Variants in PPARG observed in about 807,000 individuals in gnomAD.
PPARG encodes the protein peroxisome proliferator activated receptor gamma, also known as peroxisome proliferator-activated receptor gamma.
In PPARG, 17 loss-of-function variants were observed where a neutral mutation model predicts 39.2. The observed-to-expected ratio is 0.43, with a 90% CI of 0.30 to 0.65. PPARG has a LOEUF of 0.65. PPARG is among the 30% of genes least tolerant of loss of function. The probability of loss-of-function intolerance (pLI) is 0.13; values close to 1 mark genes in which losing one functional copy is unlikely to be tolerated. For missense variants in PPARG, 406 were observed against 585.9 expected (o/e 0.69, Z 3.17); for synonymous variants, 223 against 215.7 (o/e 1.03, Z -0.30).
intron 5 of PPARG, among the ~76,000 whole-genome samples, chr3:12,403,049 T>C (rs2050533319): frequency 6.6e-6 from 1 of 152,062 alleles, no homozygotes; most frequent in Non-Finnish European, 1.5e-5. Flanking sequence ...TCCCATCTCT[T>C]TGGGAGGTGG....
Position 12,406,115 on chromosome 3 carries a change from G to A in PPARG, c.729+34G>A, listed in dbSNP as rs1180957865. 1.2e-6 allele frequency: 2 copies of A among 1,604,446 alleles called. No individual in the cohort carries two copies. The highest frequency in any genetic ancestry group is 1.7e-6 in the Non-Finnish European group (2 of 1,173,668). The stretch of plus-strand genomic sequence containing the variant: ...TCTTCTGCTGTCTTCATTGGGGGAG[G>A]CGGGAAGTTGTTTTGGGTTTTTGTT... On this transcript the variant is annotated intron_variant, in intron 6 of 7. Coordinates refer to ENST00000651735, the MANE Select transcript of PPARG (RefSeq NM_138711.6).
chr3:12,393,761 T>G (rs2050160995), intron 5 of PPARG, among the ~76,000 whole-genome samples: 1 of 152,148 alleles, frequency 6.6e-6, no homozygotes, highest in African/African-American at 2.4e-5. Context: ...CTCTAAAGCA[T>G]CTGAGAAAAT....
chr3:12,376,510 A>G (rs534589476), intron 2 of PPARG, among the ~76,000 whole-genome samples: 1 of 152,266 alleles, frequency 6.6e-6, no homozygotes, highest in East Asian at 1.9e-4. Flanking sequence ...TCAATGAGAG[A>G]ATCAAGAGAG....
rs1378972597 is a variant in PPARG, at chr3:12,416,855, T to C, written c.881T>C (p.Ile294Thr). The C allele has an allele frequency of 6.2e-7, 1 of 1,614,170 alleles. No individual in the cohort carries two copies. Among genetic ancestry groups the C allele is most frequent in the Non-Finnish European group, 8.5e-7 (1 of 1,180,014 alleles). The change falls in exon 7 of 8, where the codon ATC (isoleucine) becomes ACC (threonine). Residue 294 changes from isoleucine to threonine, a missense_variant. Coordinates refer to ENST00000651735, the MANE Select transcript of PPARG (RefSeq NM_138711.6). ...QFRSVEAVQE[I>T]TEYAKSIPGF... ...CGCTCCGTGGAGGCTGTGCAGGAGA[T>C]CACAGAGTATGCCAAAAGCATTCCT... is the stretch of plus-strand genomic sequence containing the variant.
At chr3:12,390,637 CTTTTTTTTTTT>C (rs35190152) in intron 4 of PPARG, among the ~76,000 whole-genome samples, 1 of 92,354 alleles carries the variant, frequency 1.1e-5, no homozygotes, top group Non-Finnish European at 1.9e-5. Flanking sequence ...TATTTTCTTC[CTTTTTTTTTTT>C]TTTTTTTTTT....
At chr3:12,335,300 A>T (rs189214124) in intron 2 of PPARG, among the ~76,000 whole-genome samples, 1 of 152,324 alleles carries the variant, frequency 6.6e-6, no homozygotes, top group East Asian at 1.9e-4. Context: ...AAGACTTCCA[A>T]AGTGTTCAGA....
chr3:12,316,097 T>G (rs2047380861), intron 2 of PPARG, among the ~76,000 whole-genome samples: 1 of 152,178 alleles, frequency 6.6e-6, no homozygotes, highest in Non-Finnish European at 1.5e-5. Flanking sequence ...ATGACAGCAT[T>G]AAGTTGTCTA....
chr3:12,415,771 C>T (rs192994269), intron 6 of PPARG, among the ~76,000 whole-genome samples: 82 of 152,156 alleles, frequency 5.4e-4, no homozygotes, highest in African/African-American at 1.8e-3. Context: ...AAGAAATAGA[C>T]ATTTTCTTGG....
chr3:12,326,909 G>A (rs1373477430), intron 2 of PPARG, among the ~76,000 whole-genome samples: 1 of 152,158 alleles, frequency 6.6e-6, no homozygotes. Flanking sequence ...GATATCCTGG[G>A]TTTTGATTCA....
At chr3:12,363,787 G>A (rs1003533140) in intron 2 of PPARG, among the ~76,000 whole-genome samples, 2 of 151,954 alleles carry the variant, frequency 1.3e-5, no homozygotes, top group African/African-American at 4.8e-5. Context: ...CCCTATCACT[G>A]CAAAGCCAAA....
At chr3:12,380,266 T>G (rs2049593486) in intron 3 of PPARG, among the ~76,000 whole-genome samples, 1 of 152,206 alleles carries the variant, frequency 6.6e-6, no homozygotes, top group Non-Finnish European at 1.5e-5. Flanking sequence ...TGAATTATTT[T>G]GGCCCCTTAT....
intron 2 of PPARG, among the ~76,000 whole-genome samples, chr3:12,368,474 G>T (rs572762622): frequency 1.1e-4 from 16 of 152,166 alleles, no homozygotes; most frequent in Non-Finnish European, 1.9e-4. Flanking sequence ...GAGCCACCAC[G>T]CCCAGCCTCT....
At chr3:12,302,404 G>A (rs1362734729) in intron 1 of PPARG, among the ~76,000 whole-genome samples, 2 of 152,162 alleles carry the variant, frequency 1.3e-5, no homozygotes, top group African/African-American at 4.8e-5. Context: ...TCCTTTGGAG[G>A]TGATGAACAT....
At chr3:12,412,107 T>G (rs2050898558) in intron 6 of PPARG, among the ~76,000 whole-genome samples, 1 of 152,222 alleles carries the variant, frequency 6.6e-6, no homozygotes, top group African/African-American at 2.4e-5. Context: ...CAGAATACCC[T>G]GTGCTTTTTG....
At chr3:12,296,884 A>G (rs1382279489) in intron 1 of PPARG, among the ~76,000 whole-genome samples, 4 of 152,254 alleles carry the variant, frequency 2.6e-5, no homozygotes, top group African/African-American at 9.6e-5. Flanking sequence ...GTTTAATAAT[A>G]GTAGAAAATA....
intron 7 of PPARG, among the ~76,000 whole-genome samples, chr3:12,432,608 T>C (rs779286871): frequency 5.3e-5 from 8 of 152,230 alleles, no homozygotes; most frequent in Non-Finnish European, 8.8e-5. Flanking sequence ...GCTACTATTA[T>C]TTAATCCCAT....
At position 12,371,847 on chromosome 3, in the gene PPARG, G is replaced by C. The variant is rs1318180826; in HGVS notation, c.-8-7857G>C. The C allele has an allele frequency of 1.0e-5, 7 of 684,110 alleles. No homozygotes were observed. In the East Asian group the frequency reaches 1.7e-4, roughly 16 times the overall value. 42.4% of individuals were successfully genotyped at this position (684,110 alleles called of 1,614,324 possible). ...TGATCTCAAAACAGCCTTTTCTGCT[G>C]TAGTGTTTCAGGATGATTCTTGTCT... On this transcript the variant is annotated intron_variant, in intron 2 of 7. Coordinates refer to ENST00000651735, the MANE Select transcript of PPARG (RefSeq NM_138711.6).
chr3:12,343,897 A>G (rs1326797281), intron 2 of PPARG, among the ~76,000 whole-genome samples: 10 of 135,692 alleles, frequency 7.4e-5, no homozygotes, highest in African/African-American at 2.3e-4. Context: ...ATCTTGCTCT[A>G]TCACCCAGGC....
intron 1 of PPARG, among the ~76,000 whole-genome samples, chr3:12,292,808 G>A (rs369618529): frequency 2.0e-5 from 3 of 152,134 alleles, no homozygotes; most frequent in South Asian, 2.1e-4. Flanking sequence ...GCTTGTGTGC[G>A]TGGGCCCCGG....
Sources: gnomAD v4.1 joint callset for allele counts (sites outside exome capture counted in the v4.1 genomes callset) on GRCh38, gnomAD v4.1.1 for gene constraint, MANE v1.5 for transcripts, NCBI Gene and HGNC (gene_info 2026-07-23, HGNC 2026-07-21) for gene names.